The following ALDH7A1 variants were observed in gnomAD, a reference collection of about 807,000 sequenced individuals.
ALDH7A1 encodes aldehyde dehydrogenase 7 family member A1.
A neutral mutation model predicts 79.9 loss-of-function variants in ALDH7A1; 63 were observed. The ratio of observed to expected loss-of-function variants is 0.79; its 90% CI spans 0.64 to 0.97. The LOEUF (loss-of-function observed/expected upper bound fraction) is 0.97, where lower values mean the gene tolerates loss of function less well. Ranked by LOEUF, ALDH7A1 falls within the 50% of genes least tolerant of loss-of-function variation. The pLI is 0.00. For missense variants in ALDH7A1, 627 were observed against 665.2 expected, an observed-to-expected ratio of 0.94 and a Z score of 0.63; for synonymous variants, 240 against 231.2, an observed-to-expected ratio of 1.04 and a Z score of -0.34.
intron 11 of ALDH7A1, 30 bp downstream of exon 11, chr5:126,559,210 A>T: frequency 6.3e-7 from 1 of 1,585,786 alleles, no homozygotes; most frequent in Non-Finnish European, 8.7e-7. Flanking sequence ...TTTAAGAGCA[A>T]GACAATCGGG....
chr5:126,592,838 C>A, intron 2 of ALDH7A1, 109 bp from the exon 3 acceptor site: 1 of 1,112,466 alleles, frequency 9.0e-7, no homozygotes, highest in South Asian at 1.3e-5. Flanking sequence ...TCTAGGGTTC[C>A]CTAACATTTA....
In ALDH7A1 at chr5:126,570,614, A is replaced by G. The variant is rs185860772; in HGVS notation, c.773+168T>C. On this transcript the variant is annotated intron_variant, in intron 8 of 17. Transcript: ENST00000409134. ...CAATTCTTATTCATCCTCCAATAGG[A>G]GTTAGGCATTAATAAAATAAGAACC... 6.8e-4 allele frequency: 493 copies of G among 722,258 alleles called. 2 individuals carry two copies. In the African/African-American group the frequency reaches 7.8e-3, roughly 11 times the overall value. The allele number at this position is 722,258 out of a possible 1,614,324, so 44.7% of individuals were successfully genotyped here. A position where few individuals can be genotyped will look rare whatever the true frequency, so the allele number is the denominator to read the frequency against.
rs1032319638 is a variant in ALDH7A1 at position 126,589,624 on chromosome 5, CA to C, written c.312+3039del. ...TGAAACCCTGTCTCTACTAACAATA[CA>C]AAAATTAGCCAGGCCTGCCACTCCG... On this transcript the variant is annotated intron_variant, in intron 3 of 17. Transcript: ENST00000409134. Among the ~76,000 whole-genome samples the C allele has an allele frequency of 5.9e-5, 9 of 152,078 alleles. No homozygotes were observed. The South Asian group carries it at 6.2e-4, about 11-fold the overall frequency.
In ALDH7A1 at chr5:126,561,143, T is replaced by C. The variant is rs747071451; in HGVS notation, c.872-19A>G. 6 of 1,584,512 alleles carry C rather than the reference T, an allele frequency of 3.8e-6. No homozygotes were observed. In the South Asian group the frequency reaches 5.7e-5, roughly 15 times the overall value. On this transcript the variant is annotated intron_variant, in intron 9 of 17. Coordinates refer to ENST00000409134, the MANE Select transcript of ALDH7A1 (RefSeq NM_001182.5). ...CTTCTCCCTTAAAAGAAAAAAATTA[T>C]ATATAAAAATTAATGCCTACTTCCA... is the stretch of plus-strand genomic sequence containing the variant.
rs72789711 is a variant in ALDH7A1, at chr5:126,572,512, A to C, written c.696-1653T>G. Among the ~76,000 whole-genome samples the C allele has an allele frequency of 9.8e-3, 1,497 of 152,316 alleles. 11 individuals carry two copies. Among genetic ancestry groups the C allele is most frequent in the Non-Finnish European group, 0.017 (1,170 of 68,022 alleles). On this transcript the variant is annotated intron_variant, in intron 7 of 17. Coordinates refer to ENST00000409134, the MANE Select transcript of ALDH7A1 (RefSeq NM_001182.5). ...GAACTCTAGCACTGTTCTCCATGTC[A>C]CCTGATAAGTGTCAGAGTGTCATCA...
At chr5:126,592,827 C>A (rs1751596975) in intron 2 of ALDH7A1, 98 bp from the exon 3 acceptor site, 1 of 1,215,592 alleles carries the variant, frequency 8.2e-7, no homozygotes, top group African/African-American at 1.5e-5. Context: ...GTTGGGAAAT[C>A]TCTAGGGTTC....
chr5:126,592,663 C>T lies in ALDH7A1; in HGVS notation c.312+1G>A, dbSNP rs199497486. 39 of 1,613,592 alleles carry T rather than the reference C, an allele frequency of 2.4e-5. No individual in the cohort carries two copies. The highest frequency in any genetic ancestry group is 9.9e-5 in the South Asian group (9 of 91,084). On this transcript the variant is annotated splice_donor_variant, in intron 3 of 17. Transcript: ENST00000409134. LOFTEE classifies it high-confidence loss of function. ...ATTCTAGAAACAAAGGCCATACTTA[C>T]ATCTGCCCAGATTTTCCATGCTTCT...
At chr5:126,582,284 G>A in intron 5 of ALDH7A1, 1 of 394,184 alleles carries the variant, frequency 2.5e-6, no homozygotes, top group Non-Finnish European at 4.5e-6. Flanking sequence ...TTTCTGATAT[G>A]AATCTATCGT....
chr5:126,566,807 C>A (rs1249546214), intron 9 of ALDH7A1, among the ~76,000 whole-genome samples: 1 of 152,130 alleles, frequency 6.6e-6, no homozygotes, highest in Non-Finnish European at 1.5e-5. Flanking sequence ...GTACTCAGTG[C>A]TCCTGTTTAA....
Position 126,593,418 on chromosome 5 carries a change from G to A in ALDH7A1, c.193-14C>T, listed in dbSNP as rs775652360. ...GGTCGTAATAACCTTAAAACAAAAG[G>A]ATGATGATCATGTATAGAAAACGTA... On this transcript the variant is annotated splice_polypyrimidine_tract_variant and intron_variant, in intron 1 of 17. Coordinates refer to ENST00000409134, the MANE Select transcript of ALDH7A1 (RefSeq NM_001182.5). The A allele has an allele frequency of 3.7e-6, 6 of 1,613,674 alleles. No individual in the cohort carries two copies. Among genetic ancestry groups the A allele is most frequent in the Non-Finnish European group, 5.1e-6 (6 of 1,179,968 alleles).
chr5:126,552,093 T>C lies in ALDH7A1; in HGVS notation c.1245A>G (p.Thr415=). Reference sequence around the variant, plus strand: ...CAATGGACGCATCGTGGCCAAGACCTGTCACAATTGTCGGTTCTACATAAT... The same window carrying C: ...CAATGGACGCATCGTGGCCAAGACCCGTCACAATTGTCGGTTCTACATAAT... The part of the protein sequence containing the change: ...PGNYVEPTIV[T]GLGHDASIAH... The change falls in exon 14 of 18, where the codon ACA becomes ACG. Residue 415 remains threonine, a synonymous_variant. Transcript: ENST00000409134. The C allele has an allele frequency of 1.9e-6, 3 of 1,614,118 alleles. No individual in the cohort carries two copies. Among genetic ancestry groups the C allele is most frequent in the Non-Finnish European group, 2.5e-6 (3 of 1,179,994 alleles).
At position 126,559,301 on chromosome 5, in the gene ALDH7A1, G is replaced by A. The variant is rs572990686; in HGVS notation, c.947C>T (p.Pro316Leu). Residue 316 changes from proline (P) to leucine (L), a missense_variant, in exon 11 of 18, where the codon CCA becomes CTA. Pro to Leu is a moderately conservative substitution (Grantham distance 98). Coordinates refer to ENST00000409134, the MANE Select transcript of ALDH7A1 (RefSeq NM_001182.5). The part of the protein sequence containing the change: ...FEDADLSLVV[P>L]SALFAAVGTA... The stretch of plus-strand genomic sequence containing the variant: ...TCCCACAGCAGCGAAGAGAGCTGAT[G>A]GAACAACTAAGCTGAGGTCTGCATC... 1 of 1,614,014 alleles carries A rather than the reference G, an allele frequency of 6.2e-7. No individual in the cohort carries two copies. Among genetic ancestry groups the A allele is most frequent in the African/African-American group, 1.3e-5 (1 of 75,052 alleles).
In ALDH7A1 at chr5:126,594,247, C is replaced by T. The variant is rs756840658; in HGVS notation, c.192+760G>A. On this transcript the variant is annotated intron_variant, in intron 1 of 17. Coordinates refer to ENST00000409134, the MANE Select transcript of ALDH7A1 (RefSeq NM_001182.5). ...CCCAACGTACAACATGGCAAGATTT[C>T]GGCACGTCCAAGCTTGCAAACTCCC... 1.9e-4 allele frequency: 90 copies of T among 470,984 alleles called. 2 individuals carry two copies. Among genetic ancestry groups the T allele is most frequent in the South Asian group, 1.4e-3 (90 of 64,560 alleles). 29.2% of individuals were successfully genotyped at this position (470,984 alleles called of 1,614,324 possible). A position where few individuals can be genotyped will look rare whatever the true frequency, so the allele number is the denominator to read the frequency against.
At chr5:126,590,358 G>A (rs1467750084) in intron 3 of ALDH7A1, among the ~76,000 whole-genome samples, 1 of 152,222 alleles carries the variant, frequency 6.6e-6, no homozygotes, top group Non-Finnish European at 1.5e-5. Context: ...TGATGTTAAA[G>A]TTTACTTTTT....
chr5:126,574,698 A>AAT (rs1750906960), intron 7 of ALDH7A1, among the ~76,000 whole-genome samples: 1 of 149,912 alleles, frequency 6.7e-6, no homozygotes, highest in African/African-American at 2.5e-5. Context: ...CCATCTCAAA[A>AAT]AATAATAATA....
intron 1 of ALDH7A1, chr5:126,593,979 C>G: frequency 3.5e-6 from 1 of 281,856 alleles, no homozygotes; most frequent in African/African-American, 2.2e-5. Context: ...TACCAAAAGA[C>G]GTGTTCCCTC....
intron 10 of ALDH7A1, among the ~76,000 whole-genome samples, chr5:126,560,813 C>T (rs956776871): frequency 1.3e-5 from 2 of 152,116 alleles, no homozygotes; most frequent in African/African-American, 4.8e-5. Context: ...AGAAATAATG[C>T]CATACTACAA....
At position 126,549,920 on chromosome 5, in the gene ALDH7A1, T is replaced by C; in HGVS notation, c.1489+9A>G. The C allele has an allele frequency of 6.2e-7, 1 of 1,613,818 alleles. No individual in the cohort carries two copies. The highest frequency in any genetic ancestry group is 8.5e-7 in the Non-Finnish European group (1 of 1,179,680). ...CAACATGGAAAAGGAGAAATGATTCTCTACGTACCAAAGGCACCTCCAATC... is the reference window on the plus strand; with the variant it reads ...CAACATGGAAAAGGAGAAATGATTCCCTACGTACCAAAGGCACCTCCAATC... On this transcript the variant is annotated intron_variant, in intron 16 of 17. Transcript: ENST00000409134.
chr5:126,594,051 A>G, intron 1 of ALDH7A1: 1 of 357,160 alleles, frequency 2.8e-6, no homozygotes, highest in South Asian at 2.2e-5. Flanking sequence ...CTGTTACATA[A>G]CATCCTCCTA....
Sources: gnomAD v4.1 joint callset for allele counts (sites outside exome capture counted in the v4.1 genomes callset) on GRCh38, gnomAD v4.1.1 for gene constraint, MANE v1.5 for transcripts, NCBI Gene and HGNC (gene_info 2026-07-23, HGNC 2026-07-21) for gene names.